LRP5: variants seen among roughly 807,000 people sequenced by gnomAD.
LRP5 encodes the protein LDL receptor related protein 5.
In LRP5, 62 loss-of-function variants were observed where a neutral mutation model predicts 154.1. The observed-to-expected ratio is 0.40, with a 90% CI of 0.33 to 0.50. The LOEUF (loss-of-function observed/expected upper bound fraction) is 0.50, where lower values mean the gene tolerates loss of function less well. LRP5 is among the 20% of genes least tolerant of loss of function. LRP5 has a pLI of 0.55. For missense variants in LRP5, 1,915 were observed against 2,336.7 expected (o/e 0.82, Z 3.72); for synonymous variants, 966 against 1,011.5 (o/e 0.96, Z 0.85).
chr11:68,440,092 A>G (rs1270626237), intron 21 of LRP5, 176 bp downstream of exon 21: 12 of 624,118 alleles, frequency 1.9e-5, no homozygotes, highest in Middle Eastern at 4.4e-4. Flanking sequence ...GACATTGTTG[A>G]TTGTGGATAA....
chr11:68,443,564 TATATATATA>T (rs2098679536), intron 21 of LRP5, among the ~76,000 whole-genome samples: 3 of 36,424 alleles, frequency 8.2e-5, no homozygotes, highest in Admixed American at 3.1e-4. Context: ...TATATATATA[TATATATATA>T]TATATATATA....
chr11:68,439,665 G>T lies in LRP5; in HGVS notation c.4349-112G>T, dbSNP rs1363775551. The T allele has an allele frequency of 7.7e-6, 9 of 1,175,860 alleles. No individual in the cohort carries two copies. In the South Asian group the frequency reaches 9.2e-5, roughly 12 times the overall value. 72.8% of individuals were successfully genotyped at this position (1,175,860 alleles called of 1,614,324 possible). On this transcript the variant is annotated intron_variant, in intron 20 of 22. Transcript: ENST00000294304. ...GGGCACATTTCCAACAGGACACACC[G>T]CCCTGGTCTGAGTCTCGTGGGTAGT...
intron 16 of LRP5, among the ~76,000 whole-genome samples, chr11:68,427,975 T>A (rs2472422): frequency 0.23 from 9,990 of 43,160 alleles, 615 homozygotes; most frequent in African/African-American, 0.38. Flanking sequence ...ATTTTATTTT[T>A]TTTATTTATT....
At position 68,348,223 on chromosome 11, in the gene LRP5, C is replaced by T. The variant is rs1211485925; in HGVS notation, c.468C>T (p.Ile156=). Residue 156 remains isoleucine (I), a synonymous_variant, in exon 2 of 23, where the codon ATC becomes ATT. Transcript: ENST00000294304. ...FWQDLDQPRA[I]ALDPAHGYMY... is the part of the protein sequence containing the mutation. ...AGGACCTTGACCAGCCGAGGGCCAT[C>T]GCCTTGGACCCCGCTCACGGGTAAA... 5.6e-6 allele frequency: 9 copies of T among 1,607,760 alleles called. No individual in the cohort carries two copies. Among genetic ancestry groups the T allele is most frequent in the African/African-American group, 1.3e-5 (1 of 75,066 alleles).
At chr11:68,370,439 C>A (rs1352954945) in intron 5 of LRP5, among the ~76,000 whole-genome samples, 1 of 152,122 alleles carries the variant, frequency 6.6e-6, no homozygotes, top group Non-Finnish European at 1.5e-5. Context: ...GAGGAGGAGG[C>A]CCCTGCAGGC....
In LRP5 at chr11:68,409,067, A is replaced by ATATAT. The variant is rs1299244059; in HGVS notation, c.2092-847_2092-846insTATAT. ...TTATCTGGGGAAAAAAAAAAAAAAA[A>ATATAT]AAAAAAATATATATATATATATATA... On this transcript the variant is annotated intron_variant, in intron 9 of 22. Coordinates refer to ENST00000294304, the MANE Select transcript of LRP5 (RefSeq NM_002335.4). Among the ~76,000 whole-genome samples, 57 of 44,248 alleles carry ATATAT rather than the reference A, an allele frequency of 1.3e-3. 1 individual carries two copies. The highest frequency in any genetic ancestry group is 1.5e-3 in the Non-Finnish European group (39 of 25,458). The allele number at this position is 44,248 out of a possible 152,430, so 29.0% of individuals were successfully genotyped here.
At chr11:68,440,544 G>A (rs2098677638) in intron 21 of LRP5, among the ~76,000 whole-genome samples, 1 of 152,190 alleles carries the variant, frequency 6.6e-6, no homozygotes, top group Non-Finnish European at 1.5e-5. Flanking sequence ...GGATGCCAAG[G>A]CGAGCTTGGT....
intron 2 of LRP5, among the ~76,000 whole-genome samples, chr11:68,348,679 C>T (rs2098615779): frequency 6.6e-6 from 1 of 152,376 alleles, no homozygotes. Flanking sequence ...GGTGTTGGCT[C>T]AGGCCTGTAA....
intron 14 of LRP5, 95 bp from the exon 15 acceptor site, chr11:68,425,007 G>A: frequency 9.2e-7 from 1 of 1,089,682 alleles, no homozygotes; most frequent in Non-Finnish European, 1.4e-6. Context: ...CTGAGAGGCA[G>A]GGGCTTTCCA....
chr11:68,432,022 G>A (rs566051298), intron 17 of LRP5, among the ~76,000 whole-genome samples: 37 of 152,348 alleles, frequency 2.4e-4, no homozygotes, highest in African/African-American at 7.9e-4. Context: ...TGAGGTCTCG[G>A]ACATGGACCC....
At chr11:68,363,319 G>A (rs749161739) in intron 3 of LRP5, among the ~76,000 whole-genome samples, 12 of 152,154 alleles carry the variant, frequency 7.9e-5, no homozygotes, top group South Asian at 6.2e-4. Context: ...GTACGAGGGC[G>A]CCAGCTCCTG....
chr11:68,425,232 C>G lies in LRP5; in HGVS notation c.3367C>G (p.Leu1123Val). 6.2e-7 allele frequency: 1 copy of G among 1,612,648 alleles called. No individual in the cohort carries two copies. Among genetic ancestry groups the G allele is most frequent in the Non-Finnish European group, 8.5e-7 (1 of 1,179,996 alleles). ...TGTGGCCCTGGTGGTGGACAACACA[C>G]TGGGCAAGCTGTTCTGGGTGGACGC... ...RPVALVVDNT[L>V]GKLFWVDADL... is the part of the protein sequence containing the mutation. The change falls in exon 15 of 23, where the codon CTG (leucine) becomes GTG (valine). Residue 1123 changes from leucine to valine, a missense_variant. Physicochemically the swap from Leu to Val is conservative, Grantham distance 32. This residue lies in a region of LRP5 where 1,094 missense variants were observed against 1,210.1 expected (regional missense o/e 0.90). Transcript: ENST00000294304.
At chr11:68,416,251 G>A (rs1486270752) in intron 12 of LRP5, 77 bp from the exon 13 acceptor site, 28 of 1,279,606 alleles carry the variant, frequency 2.2e-5, no homozygotes, top group Non-Finnish European at 3.0e-5. Context: ...CTGTTGTCGA[G>A]TGGCGTGCTA....
intron 1 of LRP5, among the ~76,000 whole-genome samples, chr11:68,338,950 T>G (rs570138888): frequency 1.5e-5 from 2 of 130,284 alleles, no homozygotes; most frequent in African/African-American, 5.7e-5. Flanking sequence ...GTCGGCTCAC[T>G]GCAACCTCCG....
intron 5 of LRP5, among the ~76,000 whole-genome samples, chr11:68,382,836 T>C (rs1157167927): frequency 6.6e-6 from 1 of 151,922 alleles, no homozygotes; most frequent in Non-Finnish European, 1.5e-5. Context: ...TCCTCATAGC[T>C]CAAGGGGTGG....
chr11:68,347,053 C>T (rs1237356549), intron 1 of LRP5, among the ~76,000 whole-genome samples: 3 of 152,082 alleles, frequency 2.0e-5, no homozygotes, highest in African/African-American at 4.8e-5. Context: ...CCAGCCTGGC[C>T]GCAGGCAGAT....
intron 5 of LRP5, among the ~76,000 whole-genome samples, chr11:68,369,271 C>G (rs539382874): frequency 1.3e-5 from 2 of 152,158 alleles, no homozygotes; most frequent in African/African-American, 2.4e-5. Context: ...TGAGAGCTGG[C>G]TTGGGGCCTG....
intron 5 of LRP5, among the ~76,000 whole-genome samples, chr11:68,370,723 G>A (rs989321193): frequency 3.3e-5 from 5 of 152,236 alleles, no homozygotes; most frequent in Non-Finnish European, 7.3e-5. Flanking sequence ...TAACTCAGTT[G>A]GAGCATGACT....
rs112184430 is a variant in LRP5 at position 68,412,570 on chromosome 11, A to G, written c.2503+950A>G. Among the ~76,000 whole-genome samples, 841 of 151,904 alleles carry G rather than the reference A, an allele frequency of 5.5e-3. 8 individuals are homozygous for G. The highest frequency in any genetic ancestry group is 0.019 in the African/African-American group (795 of 41,418). On this transcript the variant is annotated intron_variant, in intron 11 of 22. Coordinates refer to ENST00000294304, the MANE Select transcript of LRP5 (RefSeq NM_002335.4). ...TCAGGTGGGAGGATTGCTTGAGCCC[A>G]GGAGGTTGAGGTTGTGGTGAGCTGT... is the stretch of plus-strand genomic sequence containing the variant.
Sources: gnomAD v4.1 joint callset for allele counts (sites outside exome capture counted in the v4.1 genomes callset) on GRCh38, gnomAD v4.1.1 for gene constraint, gnomAD v4.1.1 regional missense constraint, MANE v1.5 for transcripts, NCBI Gene and HGNC (gene_info 2026-07-23, HGNC 2026-07-21) for gene names.